GDPD5: variants seen among roughly 807,000 people sequenced by gnomAD.
The protein encoded by GDPD5 is glycerophosphodiester phosphodiesterase domain containing 5.
A neutral mutation model predicts 75.1 loss-of-function variants in GDPD5; 48 were observed. The observed-to-expected ratio is 0.64, with a 90% CI of 0.51 to 0.81. GDPD5 has a LOEUF of 0.81. Ranked by LOEUF, GDPD5 falls within the 40% of genes least tolerant of loss-of-function variation. The pLI is 0.00. For missense variants in GDPD5, 706 were observed against 822.6 expected (o/e 0.86, Z 1.73); for synonymous variants, 336 against 339.0 (o/e 0.99, Z 0.10).
At chr11:75,465,456 A>G (rs1372428721) in intron 3 of GDPD5, among the ~76,000 whole-genome samples, 1 of 152,132 alleles carries the variant, frequency 6.6e-6, no homozygotes, top group Non-Finnish European at 1.5e-5. Context: ...CAGACCCCAC[A>G]GTTCTAGAAC....
At chr11:75,524,710 G>A (rs943333994) in intron 1 of GDPD5, among the ~76,000 whole-genome samples, 18 of 152,192 alleles carry the variant, frequency 1.2e-4, no homozygotes, top group African/African-American at 4.1e-4. Context: ...CACATCCTGG[G>A]CCCACAGGGA....
chr11:75,507,530 T>C (rs972969239), intron 1 of GDPD5, among the ~76,000 whole-genome samples: 1 of 152,260 alleles, frequency 6.6e-6, no homozygotes, highest in Non-Finnish European at 1.5e-5. Context: ...TCACAGCCAC[T>C]GAGCCTTCTC....
rs1230773549 is a variant in GDPD5, at chr11:75,483,492, GC to G, written c.-60-5698del. Among the ~76,000 whole-genome samples the G allele has an allele frequency of 2.6e-5, 4 of 152,054 alleles. No homozygotes were observed. The East Asian group carries it at 7.7e-4, about 29-fold the overall frequency. ...CCCATAACTGCCAGGCCCACGCTGT[GC>G]CCCCCAGACTGCACTGCACTGCTCT... On this transcript the variant is annotated intron_variant, in intron 2 of 16. Coordinates refer to ENST00000336898, the MANE Select transcript of GDPD5 (RefSeq NM_030792.8).
chr11:75,498,844 G>GCTTTATCTCATAC (rs11267588), intron 1 of GDPD5, among the ~76,000 whole-genome samples: 1 of 151,942 alleles, frequency 6.6e-6, no homozygotes, highest in Non-Finnish European at 1.5e-5. Context: ...CACCTTACAT[G>GCTTTATCTCATAC]AGTCTGTTGA....
At position 75,444,393 on chromosome 11, in the gene GDPD5, C is replaced by A; in HGVS notation, c.797+20G>T. The A allele has an allele frequency of 6.3e-7, 1 of 1,574,806 alleles. No homozygotes were observed. The highest frequency in any genetic ancestry group is 2.2e-5 in the East Asian group (1 of 44,708). On this transcript the variant is annotated intron_variant, in intron 10 of 16. Transcript: ENST00000336898. ...CGTGTGGGAGGGGTAGAGGAACTAT[C>A]TCCCCTCCGCTACACCTACCTGATG...
chr11:75,477,007 A>G (rs944194979), intron 3 of GDPD5, among the ~76,000 whole-genome samples: 7 of 152,272 alleles, frequency 4.6e-5, no homozygotes, highest in Admixed American at 2.0e-4. Flanking sequence ...TCCAGACAGT[A>G]AAGCTTTTAG....
chr11:75,468,655 G>C (rs536121934), intron 3 of GDPD5, among the ~76,000 whole-genome samples: 1 of 152,296 alleles, frequency 6.6e-6, no homozygotes, highest in South Asian at 2.1e-4. Flanking sequence ...CTTCCAGGCA[G>C]GGGAGTTACT....
chr11:75,500,101 C>A (rs569034740), intron 1 of GDPD5, among the ~76,000 whole-genome samples: 18 of 152,316 alleles, frequency 1.2e-4, no homozygotes, highest in Admixed American at 8.5e-4. Context: ...GAAAGCACCA[C>A]CCCCTCCAGG....
chr11:75,441,888 T>C, intron 12 of GDPD5, 85 bp from the exon 13 acceptor site: 1 of 1,357,286 alleles, frequency 7.4e-7, no homozygotes, highest in Non-Finnish European at 9.9e-7. Context: ...CCTGTGGGGT[T>C]AAGAGACAGG....
intron 4 of GDPD5, among the ~76,000 whole-genome samples, chr11:75,461,251 T>C (rs1949406496): frequency 6.6e-6 from 1 of 152,114 alleles, no homozygotes; most frequent in South Asian, 2.1e-4. Context: ...TGAGGGCCAG[T>C]AGGGAACGTT....
At position 75,441,057 on chromosome 11, in the gene GDPD5, G is replaced by A. The variant is rs560903036; in HGVS notation, c.1473+106C>T. ...CCACCATGGACTCCCCACCATGCTA[G>A]AGACCTCCCAGGGACAGCTCCAAGC... On this transcript the variant is annotated intron_variant, in intron 14 of 16. Coordinates refer to ENST00000336898, the MANE Select transcript of GDPD5 (RefSeq NM_030792.8). 4 of 1,146,166 alleles carry A rather than the reference G, an allele frequency of 3.5e-6. No homozygotes were observed. In the East Asian group the frequency reaches 7.5e-5, roughly 21 times the overall value. The allele number at this position is 1,146,166 out of a possible 1,614,324, so 71.0% of individuals were successfully genotyped here.
At chr11:75,471,983 TC>T (rs1175859310) in intron 3 of GDPD5, among the ~76,000 whole-genome samples, 1 of 152,172 alleles carries the variant, frequency 6.6e-6, no homozygotes, top group African/African-American at 2.4e-5. Context: ...AGGGCCTCTC[TC>T]TCACCCCTGC....
chr11:75,520,244 C>T (rs1950729248), intron 1 of GDPD5, among the ~76,000 whole-genome samples: 1 of 152,254 alleles, frequency 6.6e-6, no homozygotes, highest in Admixed American at 6.5e-5. Context: ...TTCACGAAGC[C>T]ATCGAGGGGA....
intron 1 of GDPD5, among the ~76,000 whole-genome samples, chr11:75,501,824 C>G (rs1033955124): frequency 6.9e-4 from 105 of 152,240 alleles, no homozygotes; most frequent in African/African-American, 2.3e-3. Flanking sequence ...CCTCCCCTAC[C>G]AAAGAGCCAA....
chr11:75,462,041 G>A (rs1268110717), intron 4 of GDPD5, among the ~76,000 whole-genome samples: 1 of 152,228 alleles, frequency 6.6e-6, no homozygotes, highest in African/African-American at 2.4e-5. Context: ...AAAGGACCTT[G>A]AGCTGTCCCC....
In GDPD5 at chr11:75,457,032, G is replaced by A. The variant is rs1949299858; in HGVS notation, c.316-216C>T. 2.6e-5 allele frequency among the ~76,000 whole-genome samples: 4 copies of A among 152,232 alleles called. No individual in the cohort carries two copies. The South Asian group carries it at 8.3e-4, about 31-fold the overall frequency. ...CCTCCCAGATGATTCCAGGCCTCTA[G>A]GCTCTTCCTCTGTGTGATTCCCCGT... On this transcript the variant is annotated intron_variant, in intron 5 of 16. Coordinates refer to ENST00000336898, the MANE Select transcript of GDPD5 (RefSeq NM_030792.8).
chr11:75,510,147 G>A (rs370346834), intron 1 of GDPD5, among the ~76,000 whole-genome samples: 2 of 152,352 alleles, frequency 1.3e-5, no homozygotes, highest in East Asian at 1.9e-4. Flanking sequence ...CCCTGGCAGC[G>A]GGAGGGCTGT....
intron 3 of GDPD5, among the ~76,000 whole-genome samples, chr11:75,473,567 C>A (rs1002497091): frequency 1.3e-5 from 2 of 152,120 alleles, no homozygotes; most frequent in African/African-American, 4.8e-5. Context: ...ACCTGAGGGC[C>A]CTCAGCATCC....
intron 1 of GDPD5, among the ~76,000 whole-genome samples, chr11:75,522,357 C>A (rs571722254): frequency 1.2e-4 from 19 of 152,266 alleles, no homozygotes; most frequent in African/African-American, 4.1e-4. Context: ...GATGTCAGGA[C>A]CCCCCGTCTT....
Sources: gnomAD v4.1 joint callset for allele counts (sites outside exome capture counted in the v4.1 genomes callset) on GRCh38, gnomAD v4.1.1 for gene constraint, MANE v1.5 for transcripts, NCBI Gene and HGNC (gene_info 2026-07-23, HGNC 2026-07-21) for gene names.